Variants in TAPBP observed in about 807,000 individuals in gnomAD.
TAPBP encodes TAP binding protein.
TAPBP carries 38 observed loss-of-function variants against 45.7 expected under a neutral mutation model. That is an observed-to-expected ratio of 0.83 (90% CI 0.64 to 1.09). The LOEUF (loss-of-function observed/expected upper bound fraction) is 1.09, where lower values mean the gene tolerates loss of function less well. Among genes scored for constraint, TAPBP ranks in the 50% least tolerant of loss-of-function variants. The probability of loss-of-function intolerance (pLI) is 0.00; values close to 1 mark genes in which losing one functional copy is unlikely to be tolerated. For synonymous variants in TAPBP, 226 were observed against 254.8 expected, an observed-to-expected ratio of 0.89 and a Z score of 1.08; for missense variants, 513 against 587.3, an observed-to-expected ratio of 0.87 and a Z score of 1.31.
Position 33,305,399 on chromosome 6 carries a change from A to G in TAPBP, c.470-12T>C. The G allele has an allele frequency of 2.0e-6, 3 of 1,508,886 alleles. No individual in the cohort carries two copies. The highest frequency in any genetic ancestry group is 2.7e-6 in the Non-Finnish European group (3 of 1,129,788). 93.5% of individuals were successfully genotyped at this position (1,508,886 alleles called of 1,614,324 possible). ...GACAGTCAGTACCACTGAGGAAGAC[A>G]GGGAGATGAGGGGTTGGGAGGGGCA... On this transcript the variant is annotated splice_polypyrimidine_tract_variant and intron_variant, in intron 3 of 7. Coordinates refer to ENST00000434618, the MANE Select transcript of TAPBP (RefSeq NM_003190.5). The surrounding 1 kb of genome is among the most constrained non-coding windows in gnomAD (Gnocchi z 4.4).
At position 33,313,184 on chromosome 6, in the gene TAPBP, A is replaced by T; in HGVS notation, c.469+33T>A. The T allele has an allele frequency of 6.3e-7, 1 of 1,587,280 alleles. No individual in the cohort carries two copies. The highest frequency in any genetic ancestry group is 8.6e-7 in the Non-Finnish European group (1 of 1,161,574). ...CGGCTGATCTGGACCCTTAGAATCT[A>T]CCCACCCTTCTCCACCTCCCCTCCC... On this transcript the variant is annotated intron_variant, in intron 3 of 7. Transcript: ENST00000434618. The surrounding 1 kb of genome is among the most constrained non-coding windows in gnomAD (Gnocchi z 7.2).
chr6:33,301,718 C>G lies in TAPBP; in HGVS notation c.*42G>C, dbSNP rs1366246932. ...TAGGGAGCTACTACAGAAGCTTGGG[C>G]CAGAGATGATGGTGGCTTCCACAGG... On this transcript the variant is annotated 3_prime_UTR_variant, in exon 8 of 8. Transcript: ENST00000434618. The G allele has an allele frequency of 6.3e-7, 1 of 1,582,636 alleles. No homozygotes were observed.
Position 33,305,440 on chromosome 6 carries a change from A to G in TAPBP, c.470-53T>C. 1 of 1,471,474 alleles carries G rather than the reference A, an allele frequency of 6.8e-7. No homozygotes were observed. Among genetic ancestry groups the G allele is most frequent in the Non-Finnish European group, 9.0e-7 (1 of 1,110,018 alleles). The allele number at this position is 1,471,474 out of a possible 1,614,324, so 91.2% of individuals were successfully genotyped here. The stretch of plus-strand genomic sequence containing the variant: ...GGGAGGGGCATGAGGGAGAGAAAGA[A>G]GGAGAAAAAAATAGAGAAATGCAGT... On this transcript the variant is annotated intron_variant, in intron 3 of 7. Transcript: ENST00000434618. The surrounding 1 kb of genome is among the most constrained non-coding windows in gnomAD (Gnocchi z 4.4).
chr6:33,301,538 C>A lies in TAPBP; in HGVS notation c.*222G>T. ...GCAGTAAGCCAAGATCATGCCACTG[C>A]ACTGCAGCCTGGGCGGAAGAGTGAG... On this transcript the variant is annotated 3_prime_UTR_variant, in exon 8 of 8. Coordinates refer to ENST00000434618, the MANE Select transcript of TAPBP (RefSeq NM_003190.5). 1.8e-6 allele frequency: 1 copy of A among 569,942 alleles called. No homozygotes were observed. Among genetic ancestry groups the A allele is most frequent in the East Asian group, 2.9e-5 (1 of 34,764 alleles). 35.3% of individuals were successfully genotyped at this position (569,942 alleles called of 1,614,324 possible).
At position 33,301,444 on chromosome 6, in the gene TAPBP, T is replaced by A. The variant is rs1280658303; in HGVS notation, c.*316A>T. The A allele has an allele frequency of 2.8e-6, 1 of 357,542 alleles. No individual in the cohort carries two copies. Among genetic ancestry groups the A allele is most frequent in the Non-Finnish European group, 5.1e-6 (1 of 195,936 alleles). The allele number at this position is 357,542 out of a possible 1,614,324, so 22.1% of individuals were successfully genotyped here. ...CAAAAATTCACTGGGTGTGGTGGCATGTGCCTGTAATCCCAGCTACTCCGG... is the reference window on the plus strand; with the variant it reads ...CAAAAATTCACTGGGTGTGGTGGCAAGTGCCTGTAATCCCAGCTACTCCGG... On this transcript the variant is annotated 3_prime_UTR_variant, in exon 8 of 8. Coordinates refer to ENST00000434618, the MANE Select transcript of TAPBP (RefSeq NM_003190.5).
Position 33,303,950 on chromosome 6 carries a change from T to G in TAPBP, c.1335+5A>C. 1 of 1,613,952 alleles carries G rather than the reference T, an allele frequency of 6.2e-7. No individual in the cohort carries two copies. Among genetic ancestry groups the G allele is most frequent in the East Asian group, 2.2e-5 (1 of 44,868 alleles). On this transcript the variant is annotated splice_donor_5th_base_variant and intron_variant, in intron 7 of 7. Transcript: ENST00000434618. ...GGAAAGATACAGAGAGGTGGAGCAC[T>G]GTACCTTCTTTGAATCCTTGCAGGT...
intron 3 of TAPBP, among the ~76,000 whole-genome samples, chr6:33,307,319 C>T (rs992476050): frequency 4.6e-5 from 7 of 151,056 alleles, no homozygotes; most frequent in Admixed American, 4.6e-4. Context: ...ATAAAAATCC[C>T]AAATACCTAG....
At position 33,304,339 on chromosome 6, in the gene TAPBP, G is replaced by A. The variant is rs1264753719; in HGVS notation, c.1168C>T (p.Pro390Ser). The change falls in exon 5 of 8, where the codon CCT (proline) becomes TCT (serine). Residue 390 changes from proline (P) to serine (S), a missense_variant. Pro to Ser is a moderately conservative substitution (Grantham distance 74). Coordinates refer to ENST00000434618, the MANE Select transcript of TAPBP (RefSeq NM_003190.5). Reference sequence around the variant, plus strand: ...ACCTCAGCGCTGCGCCCCGAGGCAGGCAGGCTGGGATGGTGAATTCGACAG... The same window carrying A: ...ACCTCAGCGCTGCGCCCCGAGGCAGACAGGCTGGGATGGTGAATTCGACAG... ...YACRIHHPSL[P>S]ASGRSAEVTL... 1.2e-6 allele frequency: 2 copies of A among 1,608,892 alleles called. No individual in the cohort carries two copies. Among genetic ancestry groups the A allele is most frequent in the Admixed American group, 1.7e-5 (1 of 59,614 alleles).
intron 7 of TAPBP, among the ~76,000 whole-genome samples, chr6:33,303,247 C>T (rs574913303): frequency 3.4e-4 from 51 of 152,072 alleles, no homozygotes; most frequent in African/African-American, 1.2e-3. Context: ...GGTGAAACCC[C>T]GTCTCTACTA....
chr6:33,303,759 C>T, intron 7 of TAPBP, 196 bp downstream of exon 7: 1 of 1,551,628 alleles, frequency 6.4e-7, no homozygotes, highest in Non-Finnish European at 8.7e-7. Flanking sequence ...TCCCTACACC[C>T]AAGGAAACAT....
intron 3 of TAPBP, among the ~76,000 whole-genome samples, chr6:33,309,770 G>A (rs1769228278): frequency 7.2e-6 from 1 of 139,280 alleles, no homozygotes; most frequent in East Asian, 2.2e-4. Context: ...TGTTGCCCAG[G>A]CTGGAGTGCA....
At chr6:33,301,829 A>G (rs2150955962) in intron 7 of TAPBP, 58 bp from the exon 8 acceptor site, 7 of 1,613,684 alleles carry the variant, frequency 4.3e-6, no homozygotes, top group South Asian at 1.1e-5. Context: ...TGAGGTGTAC[A>G]TGGTCAGTTT....
chr6:33,305,849 G>T lies in TAPBP; in HGVS notation c.470-462C>A, dbSNP rs1371759630. ...ACAGAATATTTACTGACTCTAGAAGGTTCCAGCTCTAGCCTAGACCTGAGC... is the reference window on the plus strand; with the variant it reads ...ACAGAATATTTACTGACTCTAGAAGTTTCCAGCTCTAGCCTAGACCTGAGC... On this transcript the variant is annotated intron_variant, in intron 3 of 7. Transcript: ENST00000434618. The surrounding 1 kb of genome is among the most constrained non-coding windows in gnomAD (Gnocchi z 4.4). Among the ~76,000 whole-genome samples, 2 of 152,168 alleles carry T rather than the reference G, an allele frequency of 1.3e-5. No individual in the cohort carries two copies. The highest frequency in any genetic ancestry group is 2.4e-5 in the African/African-American group (1 of 41,432).
chr6:33,304,930 C>T (rs778188231), intron 4 of TAPBP, 59 bp downstream of exon 4: 11 of 1,587,718 alleles, frequency 6.9e-6, no homozygotes, highest in South Asian at 2.3e-5. Context: ...CCCCCTATTA[C>T]GGTCCCCACA....
rs751988644 is a variant in TAPBP at position 33,304,152 on chromosome 6, G to A, written c.1276C>T (p.Leu426Phe). 6.2e-7 allele frequency: 1 copy of A among 1,613,466 alleles called. No individual in the cohort carries two copies. The highest frequency in any genetic ancestry group is 1.7e-5 in the Admixed American group (1 of 59,936). ...LFLSAFLLLG[L>F]FKALGWAAVY... is the part of the protein sequence containing the mutation. The stretch of plus-strand genomic sequence containing the variant: ...CCAGCCCAGCCCAGTGCCTTGAAGA[G>A]CCCAAGCAGAAGAAAGGCAGACAGG... Residue 426 changes from leucine (L) to phenylalanine (F), a missense_variant, in exon 6 of 8, where the codon CTC (leucine) becomes TTC (phenylalanine). By Grantham distance (22) the Leu-to-Phe change is conservative (BLOSUM62 0). Transcript: ENST00000434618.
Position 33,304,482 on chromosome 6 carries a change from T to C in TAPBP, c.1025A>G (p.Lys342Arg). 1 of 1,613,024 alleles carries C rather than the reference T, an allele frequency of 6.2e-7. No homozygotes were observed. Among genetic ancestry groups the C allele is most frequent in the South Asian group, 1.1e-5 (1 of 90,926 alleles). ...LRGGPGGRSQ[K>R]AEGQRWLSAL... Reference sequence around the variant, plus strand: ...CGAGAGCCACCTCTGCCCCTCGGCCTTCTGAGAGCGGCCCCCTGGGCCACC... The same window carrying C: ...CGAGAGCCACCTCTGCCCCTCGGCCCTCTGAGAGCGGCCCCCTGGGCCACC... Residue 342 changes from lysine to arginine, a missense_variant, in exon 5 of 8, where the codon AAG becomes AGG. Coordinates refer to ENST00000434618, the MANE Select transcript of TAPBP (RefSeq NM_003190.5).
At position 33,304,402 on chromosome 6, in the gene TAPBP, G is replaced by A. The variant is rs1007511471; in HGVS notation, c.1105C>T (p.Pro369Ser). ...CCATGCTGCTCAGTGGTGACTGGGGGCGGCTGCAAGTGCCCAGAGAGGCTG... is the reference window on the plus strand; with the variant it reads ...CCATGCTGCTCAGTGGTGACTGGGGACGGCTGCAAGTGCCCAGAGAGGCTG... ...SVSLSGHLQP[P>S]PVTTEQHGAR... The change falls in exon 5 of 8, where the codon CCC becomes TCC. Residue 369 changes from proline (P) to serine (S), a missense_variant. Transcript: ENST00000434618. 1 of 1,612,734 alleles carries A rather than the reference G, an allele frequency of 6.2e-7. No homozygotes were observed. The highest frequency in any genetic ancestry group is 1.3e-5 in the African/African-American group (1 of 75,018).
In TAPBP at chr6:33,313,950, C is replaced by CA; in HGVS notation, c.37+54dup. The CA allele has an allele frequency of 6.2e-7, 1 of 1,613,508 alleles. No individual in the cohort carries two copies. The highest frequency in any genetic ancestry group is 8.5e-7 in the Non-Finnish European group (1 of 1,179,758). On this transcript the variant is annotated intron_variant, in intron 1 of 7. Coordinates refer to ENST00000434618, the MANE Select transcript of TAPBP (RefSeq NM_003190.5). The surrounding 1 kb of genome is among the most constrained non-coding windows in gnomAD (Gnocchi z 7.2). ...ACCCTGGCATCGGCTCCAGTGGGGC[C>CA]ACCTCCCTCCGCTTCCCTCTAGTTC...
chr6:33,314,063 A>G lies in TAPBP; in HGVS notation c.-22T>C, dbSNP rs572071174. ...TCATGGCGCTGCGACCTCCTCAGCCATGAAGCCTCCTCTTCCTCCTTTCAC... is the reference window on the plus strand; with the variant it reads ...TCATGGCGCTGCGACCTCCTCAGCCGTGAAGCCTCCTCTTCCTCCTTTCAC... On this transcript the variant is annotated 5_prime_UTR_variant, in exon 1 of 8. An upstream start codon of the reference 5' UTR is lost. Coordinates refer to ENST00000434618, the MANE Select transcript of TAPBP (RefSeq NM_003190.5). 2 of 1,613,044 alleles carry G rather than the reference A, an allele frequency of 1.2e-6. No homozygotes were observed. Among genetic ancestry groups the G allele is most frequent in the South Asian group, 2.2e-5 (2 of 91,070 alleles).
Sources: allele counts gnomAD v4.1 joint callset (sites outside exome capture counted in the v4.1 genomes callset), GRCh38; gene constraint gnomAD v4.1.1; non-coding constraint Gnocchi (gnomAD v3.1); transcripts MANE v1.5; gene names NCBI Gene and HGNC (gene_info 2026-07-23, HGNC 2026-07-21).